The following KLHDC1 variants were observed in gnomAD, a reference collection of about 807,000 sequenced individuals.
KLHDC1 encodes the protein kelch domain containing 1.
KLHDC1 carries 53 observed loss-of-function variants against 68.3 expected under a neutral mutation model. The ratio of observed to expected loss-of-function variants is 0.78; its 90% CI spans 0.62 to 0.98. KLHDC1 has a LOEUF of 0.98. KLHDC1 is among the 50% of genes least tolerant of loss of function. The probability of loss-of-function intolerance (pLI) is 0.00; values close to 1 mark genes in which losing one functional copy is unlikely to be tolerated. For synonymous variants in KLHDC1, 148 were observed against 159.0 expected (o/e 0.93, Z 0.52); for missense variants, 470 against 492.3 (o/e 0.95, Z 0.43).
Position 49,751,982 on chromosome 14 carries a change from G to A in KLHDC1, c.*210G>A, listed in dbSNP as rs1566624862. 1.1e-5 allele frequency: 3 copies of A among 285,072 alleles called. No individual in the cohort carries two copies. The highest frequency in any genetic ancestry group is 2.0e-5 in the Non-Finnish European group (3 of 152,666). The allele number at this position is 285,072 out of a possible 1,614,324, so 17.7% of individuals were successfully genotyped here. A position where few individuals can be genotyped will look rare whatever the true frequency, so the allele number is the denominator to read the frequency against. ...TTGTAAACAAATTTCCTTACAAACT[G>A]CAGAACAAATATTCTTTCTGAAAGT... On this transcript the variant is annotated 3_prime_UTR_variant, in exon 13 of 13. Coordinates refer to ENST00000359332, the MANE Select transcript of KLHDC1 (RefSeq NM_172193.3).
chr14:49,694,809 G>A (rs1166596275), intron 1 of KLHDC1, among the ~76,000 whole-genome samples: 1 of 152,142 alleles, frequency 6.6e-6, no homozygotes, highest in African/African-American at 2.4e-5. Flanking sequence ...AGCCAAGATT[G>A]CGCCATTGCA....
chr14:49,709,777 G>A lies in KLHDC1; in HGVS notation c.236G>A (p.Gly79Glu). ...MSGSCGACIN[G>E]KLYIFGGYDD... Reference sequence around the variant, plus strand: ...GGAAGCTGTGGTGCTTGCATTAATGGAAAGCTGTACATTTTTGGAGGATAT... The same window carrying A: ...GGAAGCTGTGGTGCTTGCATTAATGAAAAGCTGTACATTTTTGGAGGATAT... Residue 79 changes from glycine to glutamate, a missense_variant, in exon 3 of 13, where the codon GGA becomes GAA. By Grantham distance (98) the Gly-to-Glu change is moderately conservative. Coordinates refer to ENST00000359332, the MANE Select transcript of KLHDC1 (RefSeq NM_172193.3). 3 of 1,604,478 alleles carry A rather than the reference G, an allele frequency of 1.9e-6. No individual in the cohort carries two copies. Among genetic ancestry groups the A allele is most frequent in the Non-Finnish European group, 2.6e-6 (3 of 1,176,060 alleles).
chr14:49,705,461 C>A (rs1412528514), intron 1 of KLHDC1, among the ~76,000 whole-genome samples: 2 of 148,106 alleles, frequency 1.4e-5, no homozygotes. Context: ...CTCCGCCTCC[C>A]AGGTTCAAGC....
intron 1 of KLHDC1, among the ~76,000 whole-genome samples, chr14:49,702,367 T>C (rs191671733): frequency 6.6e-6 from 1 of 152,040 alleles, no homozygotes; most frequent in Non-Finnish European, 1.5e-5. Context: ...ACACTGGTAA[T>C]AAGAGTACAA....
intron 12 of KLHDC1, 115 bp from the exon 13 acceptor site, chr14:49,751,471 A>T (rs1245078533): frequency 2.1e-6 from 1 of 485,670 alleles, no homozygotes; most frequent in African/African-American, 2.0e-5. Flanking sequence ...AATTAAAAAA[A>T]GATCTGTGAA....
chr14:49,744,596 G>A (rs1316372224), intron 12 of KLHDC1, among the ~76,000 whole-genome samples: 1 of 151,928 alleles, frequency 6.6e-6, no homozygotes, highest in African/African-American at 2.4e-5. Context: ...TGTAGTATTT[G>A]CATATAAACC....
chr14:49,734,731 T>C, intron 10 of KLHDC1, 70 bp downstream of exon 10: 1 of 744,168 alleles, frequency 1.3e-6, no homozygotes, highest in Non-Finnish European at 2.1e-6. Flanking sequence ...AGTACTGAAT[T>C]TATAGTGTTT....
At chr14:49,738,855 A>G (rs1359131305) in intron 10 of KLHDC1, among the ~76,000 whole-genome samples, 1 of 152,168 alleles carries the variant, frequency 6.6e-6, no homozygotes, top group African/African-American at 2.4e-5. Context: ...ACCATGGCCA[A>G]TTTCAAGCTT....
At chr14:49,699,035 G>A (rs553808720) in intron 1 of KLHDC1, among the ~76,000 whole-genome samples, 9 of 151,344 alleles carry the variant, frequency 5.9e-5, no homozygotes, top group Non-Finnish European at 1.2e-4. Context: ...GTGGTGGCAC[G>A]TGCCTGTAAT....
intron 1 of KLHDC1, among the ~76,000 whole-genome samples, chr14:49,697,470 T>G (rs1887777583): frequency 6.6e-6 from 1 of 152,214 alleles, no homozygotes; most frequent in Non-Finnish European, 1.5e-5. Flanking sequence ...AAGTTTGAAA[T>G]ACTGTGAGAA....
At chr14:49,728,109 G>C (rs1014554843) in intron 6 of KLHDC1, among the ~76,000 whole-genome samples, 1 of 152,096 alleles carries the variant, frequency 6.6e-6, no homozygotes, top group Non-Finnish European at 1.5e-5. Context: ...ATCGCTCGAG[G>C]CCAGGAGGTT....
intron 12 of KLHDC1, among the ~76,000 whole-genome samples, chr14:49,749,693 A>G (rs910413218): frequency 3.3e-5 from 5 of 151,666 alleles, no homozygotes; most frequent in Non-Finnish European, 5.9e-5. Context: ...AAAAAAAAAA[A>G]AAAAGAAATA....
chr14:49,732,468 G>A (rs529872453), intron 8 of KLHDC1, among the ~76,000 whole-genome samples: 1 of 152,026 alleles, frequency 6.6e-6, no homozygotes, highest in Non-Finnish European at 1.5e-5. Context: ...CCACCGCGTC[G>A]GCTGAGAATT....
intron 1 of KLHDC1, among the ~76,000 whole-genome samples, chr14:49,695,754 G>A (rs959802811): frequency 1.3e-5 from 2 of 152,162 alleles, no homozygotes; most frequent in Non-Finnish European, 2.9e-5. Context: ...ATATAAAGCT[G>A]TTTCATCCAC....
intron 10 of KLHDC1, among the ~76,000 whole-genome samples, chr14:49,738,214 A>G (rs1888977468): frequency 6.6e-6 from 1 of 152,130 alleles, no homozygotes; most frequent in Admixed American, 6.5e-5. Context: ...GGAAATAGAC[A>G]TGAACTATCA....
At chr14:49,719,658 G>A (rs1888476368) in intron 4 of KLHDC1, among the ~76,000 whole-genome samples, 1 of 151,624 alleles carries the variant, frequency 6.6e-6, no homozygotes, top group African/African-American at 2.4e-5. Flanking sequence ...GGCTGGTCTC[G>A]AACTCCTGAC....
chr14:49,726,760 C>T lies in KLHDC1; in HGVS notation c.567+991C>T, dbSNP rs374961218. 3.5e-4 allele frequency among the ~76,000 whole-genome samples: 53 copies of T among 152,306 alleles called. No individual in the cohort carries two copies. In the South Asian group the frequency reaches 0.01, roughly 29 times the overall value. The stretch of plus-strand genomic sequence containing the variant: ...GAAGGAAGAGCCACAGGGACCATAG[C>T]CTCAGGAACCGGAGCAGGTTACTCA... On this transcript the variant is annotated intron_variant, in intron 6 of 12. Transcript: ENST00000359332.
intron 7 of KLHDC1, among the ~76,000 whole-genome samples, chr14:49,729,287 A>G (rs1344947964): frequency 1.3e-5 from 2 of 151,894 alleles, no homozygotes; most frequent in East Asian, 1.9e-4. Context: ...ATTTCTTCCT[A>G]TTTTTTCCTT....
chr14:49,712,477 A>C (rs190827579), intron 4 of KLHDC1, among the ~76,000 whole-genome samples: 1 of 152,074 alleles, frequency 6.6e-6, no homozygotes, highest in Non-Finnish European at 1.5e-5. Context: ...GTTTGGGAGC[A>C]AATAAAAAGT....
Sources: allele counts gnomAD v4.1 joint callset (sites outside exome capture counted in the v4.1 genomes callset), GRCh38; gene constraint gnomAD v4.1.1; transcripts MANE v1.5; gene names NCBI Gene and HGNC (gene_info 2026-07-23, HGNC 2026-07-21).